Variants in MYBPC1 observed in about 807,000 individuals in gnomAD.
MYBPC1 encodes myosin binding protein C1.
MYBPC1 carries 52 observed loss-of-function variants against 147.1 expected under a neutral mutation model. The ratio of observed to expected loss-of-function variants is 0.35; its 90% CI spans 0.28 to 0.45. The LOEUF is 0.45. MYBPC1 is among the 20% of genes least tolerant of loss of function. The pLI, the probability that MYBPC1 is intolerant of heterozygous loss-of-function variation, is 1.00. For missense variants in MYBPC1, 1,228 were observed against 1,440.3 expected (o/e 0.85, Z 2.39); for synonymous variants, 477 against 475.9 (o/e 1.00, Z -0.03).
rs1475093860 is a variant in MYBPC1 at position 101,632,252 on chromosome 12, CTG to C, written c.556+116_556+117del. On this transcript the variant is annotated intron_variant, in intron 8 of 31. Transcript: ENST00000361466. ...TTTCAGAGAAAGTTTTCCTTTAAAACTGTTTCTGATTGTGGTAGTCTCAGCAA... is the reference window on the plus strand; with the variant it reads ...TTTCAGAGAAAGTTTTCCTTTAAAACTTTCTGATTGTGGTAGTCTCAGCAA... The C allele has an allele frequency of 3.7e-6, 3 of 818,422 alleles. No individual in the cohort carries two copies. In the Admixed American group the frequency reaches 5.3e-5, roughly 14 times the overall value. The allele number at this position is 818,422 out of a possible 1,614,324, so 50.7% of individuals were successfully genotyped here.
In MYBPC1 at chr12:101,629,642, AC is replaced by A. The variant is rs1191597820; in HGVS notation, c.289+99del. 2.0e-5 allele frequency: 17 copies of A among 832,868 alleles called. No homozygotes were observed. The Admixed American group carries it at 3.4e-4, about 17-fold the overall frequency. The allele number at this position is 832,868 out of a possible 1,614,324, so 51.6% of individuals were successfully genotyped here. On this transcript the variant is annotated intron_variant, in intron 6 of 31. Transcript: ENST00000361466. ...AATCCCAGCACTCTGGGAGGTCCAG[AC>A]AGGCAGATCATTTGAGCTCAGGAGT...
intron 16 of MYBPC1, 133 bp downstream of exon 16, chr12:101,651,526 C>T (rs762246057): frequency 1.5e-5 from 17 of 1,161,970 alleles, no homozygotes; most frequent in Non-Finnish European, 2.2e-5. Context: ...TCTTCGCTTC[C>T]AACTAGCAAG....
intron 20 of MYBPC1, among the ~76,000 whole-genome samples, chr12:101,661,945 C>A (rs1375098366): frequency 3.0e-5 from 4 of 132,096 alleles, no homozygotes; most frequent in Non-Finnish European, 4.9e-5. Flanking sequence ...TGCTTAGAAG[C>A]ATTTGCTTCC....
At chr12:101,601,580 T>C (rs1264447538) in intron 1 of MYBPC1, among the ~76,000 whole-genome samples, 2 of 152,280 alleles carry the variant, frequency 1.3e-5, no homozygotes, top group African/African-American at 4.8e-5. Context: ...ACTTTCATTA[T>C]GCCTTTCAAG....
chr12:101,631,441 C>T, intron 6 of MYBPC1, 130 bp from the exon 7 acceptor site: 1 of 1,079,672 alleles, frequency 9.3e-7, no homozygotes, highest in Non-Finnish European at 1.4e-6. Context: ...AGGACGAATT[C>T]ATTTCACAAT....
intron 1 of MYBPC1, 29 bp downstream of exon 1, chr12:101,595,124 G>C: frequency 1.3e-6 from 2 of 1,586,112 alleles, no homozygotes; most frequent in Non-Finnish European, 1.7e-6. Context: ...TCTTTTTGTT[G>C]TACTCCTGAA....
intron 1 of MYBPC1, among the ~76,000 whole-genome samples, chr12:101,613,486 C>T (rs1229106006): frequency 6.6e-6 from 1 of 152,120 alleles, no homozygotes; most frequent in Non-Finnish European, 1.5e-5. Context: ...TAGAAGCGAT[C>T]ACCTTCATTA....
Position 101,659,003 on chromosome 12 carries a change from T to C in MYBPC1, c.1768-669T>C, listed in dbSNP as rs150152744. Among the ~76,000 whole-genome samples, 149 of 152,162 alleles carry C rather than the reference T, an allele frequency of 9.8e-4. 1 individual carries two copies. Among genetic ancestry groups the C allele is most frequent in the African/African-American group, 3.1e-3 (130 of 41,512 alleles). On this transcript the variant is annotated intron_variant, in intron 18 of 31. Coordinates refer to ENST00000361466, the MANE Select transcript of MYBPC1 (RefSeq NM_002465.4). Reference sequence around the variant, plus strand: ...GGGAATCAGAAAAATGTAATCCTGCTTTAAATTTCAGGTTTAAGAAAGAAG... The same window carrying C: ...GGGAATCAGAAAAATGTAATCCTGCCTTAAATTTCAGGTTTAAGAAAGAAG...
At chr12:101,675,778 C>G (rs527576493) in intron 26 of MYBPC1, among the ~76,000 whole-genome samples, 1 of 152,348 alleles carries the variant, frequency 6.6e-6, no homozygotes, top group South Asian at 2.1e-4. Flanking sequence ...ATTCAATAAA[C>G]TCATTCATTC....
chr12:101,684,422 A>G lies in MYBPC1; in HGVS notation c.*17A>G. 1.3e-6 allele frequency: 2 copies of G among 1,583,574 alleles called. No individual in the cohort carries two copies. Among genetic ancestry groups the G allele is most frequent in the Non-Finnish European group, 1.7e-6 (2 of 1,160,238 alleles). On this transcript the variant is annotated splice_region_variant and 3_prime_UTR_variant, in exon 31 of 32. Transcript: ENST00000361466. ...GATTTTTGAATGTATAATATCATCT[A>G]AGGTAAGCTTTCATATGGTTTTGGC... is the stretch of plus-strand genomic sequence containing the variant.
chr12:101,673,070 T>C (rs896956662), intron 24 of MYBPC1, among the ~76,000 whole-genome samples: 3 of 152,178 alleles, frequency 2.0e-5, no homozygotes, highest in Admixed American at 1.3e-4. Context: ...ACAATTATCC[T>C]GTGTTGTGCA....
At chr12:101,672,857 A>AT (rs1899018913) in intron 24 of MYBPC1, among the ~76,000 whole-genome samples, 1 of 152,154 alleles carries the variant, frequency 6.6e-6, no homozygotes, top group African/African-American at 2.4e-5. Context: ...AAAAAAAAAA[A>AT]TTTAGATGAT....
intron 3 of MYBPC1, among the ~76,000 whole-genome samples, chr12:101,623,016 A>T (rs908375014): frequency 2.5e-4 from 38 of 152,108 alleles, no homozygotes; most frequent in African/African-American, 8.4e-4. Context: ...CTTTGAAACT[A>T]CTCACCTATC....
chr12:101,676,306 T>C lies in MYBPC1; in HGVS notation c.2949+875T>C, dbSNP rs116673494. On this transcript the variant is annotated intron_variant, in intron 26 of 31. Transcript: ENST00000361466. Reference sequence around the variant, plus strand: ...TGACTTGCTAAAGATCACCAGATTTTCTCACGCCTGAAATCCCAGCTACTT... The same window carrying C: ...TGACTTGCTAAAGATCACCAGATTTCCTCACGCCTGAAATCCCAGCTACTT... Among the ~76,000 whole-genome samples, 511 of 152,180 alleles carry C rather than the reference T, an allele frequency of 3.4e-3. 3 individuals are homozygous for C. The highest frequency in any genetic ancestry group is 0.012 in the African/African-American group (492 of 41,542).
intron 10 of MYBPC1, among the ~76,000 whole-genome samples, chr12:101,637,587 T>C (rs956602502): frequency 6.6e-6 from 1 of 152,154 alleles, no homozygotes; most frequent in Admixed American, 6.5e-5. Context: ...AGAGTAAAAC[T>C]ATAATTTTAA....
chr12:101,625,207 C>A (rs1226767699), intron 3 of MYBPC1, among the ~76,000 whole-genome samples: 2 of 150,566 alleles, frequency 1.3e-5, no homozygotes, highest in Non-Finnish European at 3.0e-5. Flanking sequence ...AATAAATAAA[C>A]CTGGCAGCTA....
At chr12:101,603,254 G>A (rs1000182050) in intron 1 of MYBPC1, among the ~76,000 whole-genome samples, 6 of 151,856 alleles carry the variant, frequency 4.0e-5, no homozygotes, top group African/African-American at 1.5e-4. Context: ...TGAGGCAGGA[G>A]AATCACTTGA....
Position 101,685,805 on chromosome 12 carries a change from TG to T in MYBPC1, c.*244del. On this transcript the variant is annotated 3_prime_UTR_variant, in exon 32 of 32. Transcript: ENST00000361466. ...TGGTCTTTTTCTTTCCTCCTAATGT[TG>T]AAGAGAAAAAAAAAAAAAAAAGTTT... 3.7e-6 allele frequency: 2 copies of T among 536,728 alleles called. No individual in the cohort carries two copies. The highest frequency in any genetic ancestry group is 4.3e-5 in the Admixed American group (1 of 23,258). 33.2% of individuals were successfully genotyped at this position (536,728 alleles called of 1,614,324 possible). A position where few individuals can be genotyped will look rare whatever the true frequency, so the allele number is the denominator to read the frequency against.
intron 22 of MYBPC1, 34 bp downstream of exon 22, chr12:101,663,594 C>T: frequency 6.2e-7 from 1 of 1,606,498 alleles, no homozygotes; most frequent in Non-Finnish European, 8.5e-7. Flanking sequence ...TGAATACTGT[C>T]ATCAATAGGT....
Sources: gnomAD v4.1 joint callset for allele counts (sites outside exome capture counted in the v4.1 genomes callset) on GRCh38, gnomAD v4.1.1 for gene constraint, MANE v1.5 for transcripts, NCBI Gene and HGNC (gene_info 2026-07-23, HGNC 2026-07-21) for gene names.